TSG101: variants seen among roughly 807,000 people sequenced by gnomAD.
TSG101 encodes the protein tumor susceptibility gene 101 protein.
TSG101 carries 19 observed loss-of-function variants against 48.5 expected under a neutral mutation model. The observed-to-expected ratio is 0.39, with a 90% CI of 0.27 to 0.58. The LOEUF (loss-of-function observed/expected upper bound fraction) is 0.58. Ranked by LOEUF, TSG101 falls within the 20% of genes least tolerant of loss-of-function variation. The pLI is 0.55. For missense variants in TSG101, 365 were observed against 484.4 expected, an observed-to-expected ratio of 0.75 and a Z score of 2.31; for synonymous variants, 174 against 169.4, an observed-to-expected ratio of 1.03 and a Z score of -0.21.
intron 1 of TSG101, among the ~76,000 whole-genome samples, chr11:18,524,830 A>T (rs1850339808): frequency 6.6e-6 from 1 of 152,144 alleles, no homozygotes; most frequent in Non-Finnish European, 1.5e-5. Flanking sequence ...AGCTTAGGAA[A>T]CTTAATTAGG....
intron 7 of TSG101, 112 bp from the exon 8 acceptor site, chr11:18,484,184 G>A: frequency 2.9e-6 from 3 of 1,032,632 alleles, no homozygotes; most frequent in South Asian, 3.0e-5. Context: ...CAAAATGTGA[G>A]GAAAGAAAAA....
intron 7 of TSG101, among the ~76,000 whole-genome samples, chr11:18,501,670 CAG>C (rs1849891993): frequency 6.6e-6 from 1 of 152,176 alleles, no homozygotes; most frequent in East Asian, 1.9e-4. Flanking sequence ...TATTTCGACA[CAG>C]ACTGCACTGA....
intron 7 of TSG101, chr11:18,490,419 T>A: frequency 3.4e-6 from 2 of 581,110 alleles, no homozygotes; most frequent in South Asian, 2.9e-5. Flanking sequence ...TTCAGTAGAG[T>A]TTAGAATCTC....
rs1257056518 is a variant in TSG101, at chr11:18,500,026, C to CTCTGGTGTCTATCAT, written c.640+2445_640+2459dup. On this transcript the variant is annotated intron_variant, in intron 7 of 9. Coordinates refer to ENST00000251968, the MANE Select transcript of TSG101 (RefSeq NM_006292.4). Reference sequence around the variant, plus strand: ...TCCCACCCACACACCGTTCTTAAGTCTCTGGTGTCTATCATTCTACTGTCT... The same window carrying CTCTGGTGTCTATCAT: ...TCCCACCCACACACCGTTCTTAAGTCTCTGGTGTCTATCATTCTGGTGTCTATCATTCTACTGTCT... Among the ~76,000 whole-genome samples the CTCTGGTGTCTATCAT allele has an allele frequency of 3.3e-5, 5 of 152,286 alleles. No individual in the cohort carries two copies. In the East Asian group the frequency reaches 9.6e-4, roughly 29 times the overall value.
At chr11:18,502,748 T>C (rs1166160061) in intron 6 of TSG101, among the ~76,000 whole-genome samples, 171 bp from the exon 7 acceptor site, 1 of 152,246 alleles carries the variant, frequency 6.6e-6, no homozygotes, top group East Asian at 1.9e-4. Flanking sequence ...GGAAATTGTA[T>C]TAATGACACT....
intron 2 of TSG101, among the ~76,000 whole-genome samples, chr11:18,517,988 T>C (rs1244203697): frequency 6.6e-6 from 1 of 152,252 alleles, no homozygotes; most frequent in Non-Finnish European, 1.5e-5. Context: ...CACATGAAAC[T>C]ATACAAGACT....
At chr11:18,517,798 T>C (rs1303421578) in intron 2 of TSG101, among the ~76,000 whole-genome samples, 2 of 152,248 alleles carry the variant, frequency 1.3e-5, no homozygotes, top group African/African-American at 2.4e-5. Context: ...TCTCTATCAC[T>C]ACAAAATGCA....
chr11:18,512,610 T>C (rs1329816939), intron 4 of TSG101, among the ~76,000 whole-genome samples: 1 of 152,074 alleles, frequency 6.6e-6, no homozygotes, highest in East Asian at 1.9e-4. Context: ...ATGCTAGACA[T>C]TGTGAAAAAT....
chr11:18,509,435 G>A (rs1443634316), intron 5 of TSG101, 107 bp downstream of exon 5: 6 of 1,405,750 alleles, frequency 4.3e-6, no homozygotes, highest in Non-Finnish European at 5.7e-6. Context: ...CCACTAGCTT[G>A]ATAAACTAAA....
At chr11:18,490,869 G>A (rs1849689578) in intron 7 of TSG101, 2 of 521,852 alleles carry the variant, frequency 3.8e-6, no homozygotes, top group Non-Finnish European at 7.7e-6. Context: ...CTCGTTCTGT[G>A]ACTGCCTTCG....
rs1849542200 is a variant in TSG101, at chr11:18,481,618, A to G, written c.1083+12T>C. ...AAGTTAAAAAATCTTGGAACGTAAAATGAAGAAATACCTTCAGGAAGACAT... is the reference window on the plus strand; with the variant it reads ...AAGTTAAAAAATCTTGGAACGTAAAGTGAAGAAATACCTTCAGGAAGACAT... On this transcript the variant is annotated intron_variant, in intron 9 of 9. Coordinates refer to ENST00000251968, the MANE Select transcript of TSG101 (RefSeq NM_006292.4). 6.2e-6 allele frequency: 10 copies of G among 1,604,136 alleles called. No homozygotes were observed. Among genetic ancestry groups the G allele is most frequent in the Non-Finnish European group, 8.5e-6 (10 of 1,175,288 alleles).
At chr11:18,523,508 T>C (rs568955480) in intron 1 of TSG101, among the ~76,000 whole-genome samples, 1 of 152,112 alleles carries the variant, frequency 6.6e-6, no homozygotes, top group Non-Finnish European at 1.5e-5. Context: ...TTTTTATTTA[T>C]TTATTTGTTT....
At chr11:18,515,625 A>G (rs1044807533) in intron 3 of TSG101, among the ~76,000 whole-genome samples, 2 of 152,248 alleles carry the variant, frequency 1.3e-5, no homozygotes, top group Non-Finnish European at 2.9e-5. Context: ...ATTATCTAAT[A>G]AATGCTCACT....
At position 18,521,359 on chromosome 11, in the gene TSG101, C is replaced by CTTTTT. The variant is rs917563952; in HGVS notation, c.43-1761_43-1757dup. Among the ~76,000 whole-genome samples the CTTTTT allele has an allele frequency of 1.5e-3, 148 of 99,832 alleles. 10 individuals carry two copies. The highest frequency in any genetic ancestry group is 2.1e-3 in the Non-Finnish European group (105 of 49,692). The allele number at this position is 99,832 out of a possible 152,430, so 65.5% of individuals were successfully genotyped here. ...CAGCAATATTTGACCAAACTGATTC[C>CTTTTT]TTTTTTTTTTTTTTTTTTTTTTTTT... is the stretch of plus-strand genomic sequence containing the variant. On this transcript the variant is annotated intron_variant, in intron 1 of 9. Transcript: ENST00000251968.
chr11:18,497,594 A>G (rs1445943125), intron 7 of TSG101, among the ~76,000 whole-genome samples: 1 of 152,338 alleles, frequency 6.6e-6, no homozygotes, highest in East Asian at 1.9e-4. Flanking sequence ...AGTTAATATA[A>G]AAAAGATCTT....
chr11:18,494,016 TAAG>T (rs1849737975), intron 7 of TSG101, among the ~76,000 whole-genome samples: 1 of 152,032 alleles, frequency 6.6e-6, no homozygotes, highest in African/African-American at 2.4e-5. Flanking sequence ...ACACAATCAA[TAAG>T]AAAAAATTTA....
intron 6 of TSG101, among the ~76,000 whole-genome samples, chr11:18,506,124 C>T (rs1437856118): frequency 2.6e-5 from 4 of 152,042 alleles, no homozygotes; most frequent in African/African-American, 4.8e-5. Context: ...CTACCACACC[C>T]GGCCTTATTG....
At chr11:18,523,379 T>G (rs950917540) in intron 1 of TSG101, among the ~76,000 whole-genome samples, 30 of 152,226 alleles carry the variant, frequency 2.0e-4, no homozygotes, top group Admixed American at 1.6e-3. Flanking sequence ...ATTTATTGAG[T>G]TGTTTATTGC....
intron 7 of TSG101, chr11:18,490,638 T>C: frequency 2.2e-6 from 1 of 457,158 alleles, no homozygotes; most frequent in South Asian, 2.1e-5. Flanking sequence ...TGTATAGAAT[T>C]GAGAACAAGA....
Sources: allele counts gnomAD v4.1 joint callset (sites outside exome capture counted in the v4.1 genomes callset), GRCh38; gene constraint gnomAD v4.1.1; transcripts MANE v1.5; gene names NCBI Gene and HGNC (gene_info 2026-07-23, HGNC 2026-07-21).